DRD2: variants seen among roughly 807,000 people sequenced by gnomAD.
DRD2 encodes the protein dopamine receptor D2.
In DRD2, 8 loss-of-function variants were observed where a neutral mutation model predicts 38.0. That is an observed-to-expected ratio of 0.21 (90% CI 0.12 to 0.38). The LOEUF (loss-of-function observed/expected upper bound fraction) is 0.38. Ranked by LOEUF, DRD2 falls within the 10% of genes least tolerant of loss-of-function variation. DRD2 has a pLI of 1.00. For synonymous variants in DRD2, 230 were observed against 238.6 expected (o/e 0.96, Z 0.33); for missense variants, 403 against 607.7 (o/e 0.66, Z 3.54).
At chr11:113,439,664 G>T (rs1591289786) in intron 1 of DRD2, among the ~76,000 whole-genome samples, 1 of 150,908 alleles carries the variant, frequency 6.6e-6, no homozygotes, top group Non-Finnish European at 1.5e-5. Flanking sequence ...ACATGGTGAA[G>T]CCCCATCTCT....
At chr11:113,433,078 C>T (rs1015935747) in intron 1 of DRD2, among the ~76,000 whole-genome samples, 3 of 152,018 alleles carry the variant, frequency 2.0e-5, no homozygotes, top group African/African-American at 7.2e-5. Flanking sequence ...AGCCTCTAAG[C>T]CCTGGAGCTG....
chr11:113,472,424 C>T (rs549907225), intron 1 of DRD2, among the ~76,000 whole-genome samples: 2 of 152,270 alleles, frequency 1.3e-5, no homozygotes, highest in South Asian at 2.1e-4. Flanking sequence ...CATTTGTTTC[C>T]CATAGTATCA....
rs572284794 is a variant in DRD2, at chr11:113,436,863, A to G, written c.-31-12181T>C. ...ATCTTTCTGATCAAGTTCTCTTATT[A>G]TGAACACTGGCTTCCTTTTCTGCCA... On this transcript the variant is annotated intron_variant, in intron 1 of 7. Transcript: ENST00000362072. 5.3e-5 allele frequency among the ~76,000 whole-genome samples: 8 copies of G among 152,300 alleles called. No individual in the cohort carries two copies. In the East Asian group the frequency reaches 1.5e-3, roughly 29 times the overall value.
intron 1 of DRD2, among the ~76,000 whole-genome samples, chr11:113,463,811 C>T (rs1483173101): frequency 1.3e-5 from 2 of 152,122 alleles, no homozygotes; most frequent in Non-Finnish European, 2.9e-5. Context: ...ATACTGTATG[C>T]TAGAGAAATA....
Position 113,417,974 on chromosome 11 carries a change from C to A in DRD2, c.395+53G>T, listed in dbSNP as rs1950842667. 2.7e-6 allele frequency: 4 copies of A among 1,471,736 alleles called. No homozygotes were observed. In the East Asian group the frequency reaches 9.1e-5, roughly 33 times the overall value. The allele number at this position is 1,471,736 out of a possible 1,614,324, so 91.2% of individuals were successfully genotyped here. ...AGCCTGGCTTTGAGAAAAGCTGGGGCAGCCAGAATGGTGAGTGGCCAGAGC... is the reference window on the plus strand; with the variant it reads ...AGCCTGGCTTTGAGAAAAGCTGGGGAAGCCAGAATGGTGAGTGGCCAGAGC... On this transcript the variant is annotated intron_variant, in intron 3 of 7. Coordinates refer to ENST00000362072, the MANE Select transcript of DRD2 (RefSeq NM_000795.4).
intron 1 of DRD2, among the ~76,000 whole-genome samples, chr11:113,446,360 G>A (rs961750802): frequency 6.6e-6 from 1 of 152,184 alleles, no homozygotes; most frequent in Non-Finnish European, 1.5e-5. Context: ...AAACACAGCA[G>A]TCATAGTAAC....
chr11:113,415,346 C>T, intron 5 of DRD2, 75 bp downstream of exon 5: 3 of 1,523,130 alleles, frequency 2.0e-6, no homozygotes, highest in Non-Finnish European at 2.7e-6. Flanking sequence ...CAAGCCCCCA[C>T]CTGAGCATAA....
chr11:113,456,863 C>T lies in DRD2; in HGVS notation c.-32+18213G>A, dbSNP rs143553599. Among the ~76,000 whole-genome samples the T allele has an allele frequency of 1.8e-3, 278 of 152,226 alleles. No individual in the cohort carries two copies. The Middle Eastern group carries it at 0.024, about 13-fold the overall frequency. Reference sequence around the variant, plus strand: ...ATTCTTAACATTATCAAACTGTACACGTCAAAATTATTAAGATGGTAAATT... The same window carrying T: ...ATTCTTAACATTATCAAACTGTACATGTCAAAATTATTAAGATGGTAAATT... On this transcript the variant is annotated intron_variant, in intron 1 of 7. Coordinates refer to ENST00000362072, the MANE Select transcript of DRD2 (RefSeq NM_000795.4).
At chr11:113,451,075 C>G (rs1951205982) in intron 1 of DRD2, among the ~76,000 whole-genome samples, 1 of 152,146 alleles carries the variant, frequency 6.6e-6, no homozygotes, top group African/African-American at 2.4e-5. Context: ...GTGAACCCAC[C>G]CTGTAGTTAC....
intron 1 of DRD2, among the ~76,000 whole-genome samples, chr11:113,446,124 C>A (rs1464168438): frequency 6.6e-6 from 1 of 152,152 alleles, no homozygotes; most frequent in African/African-American, 2.4e-5. Flanking sequence ...ATGGACCCCA[C>A]TTCATGCATG....
chr11:113,446,752 T>C (rs549393985), intron 1 of DRD2, among the ~76,000 whole-genome samples: 45 of 152,308 alleles, frequency 3.0e-4, no homozygotes, highest in African/African-American at 1.0e-3. Context: ...TTGATGCAAG[T>C]AGTTGTGAAA....
intron 1 of DRD2, among the ~76,000 whole-genome samples, chr11:113,444,779 G>A (rs1165285275): frequency 6.6e-6 from 1 of 152,212 alleles, no homozygotes; most frequent in Non-Finnish European, 1.5e-5. Context: ...TTGTCCTCAC[G>A]GAGGCCACCA....
intron 1 of DRD2, among the ~76,000 whole-genome samples, chr11:113,440,495 CTGGGAAAAAGGCTG>C (rs1275593731): frequency 6.6e-6 from 1 of 152,226 alleles, no homozygotes; most frequent in Non-Finnish European, 1.5e-5. Flanking sequence ...TCCCAGGAGC[CTGGGAAAAAGGCTG>C]CGCCTTTGGA....
intron 1 of DRD2, among the ~76,000 whole-genome samples, chr11:113,451,117 G>A (rs1439645343): frequency 6.6e-6 from 1 of 152,180 alleles, no homozygotes; most frequent in Non-Finnish European, 1.5e-5. Context: ...AATTGGAATA[G>A]GCATATTCAG....
At chr11:113,442,040 C>A (rs542886449) in intron 1 of DRD2, among the ~76,000 whole-genome samples, 2 of 151,864 alleles carry the variant, frequency 1.3e-5, no homozygotes, top group Non-Finnish European at 2.9e-5. Context: ...TTAAAGATAA[C>A]GCACTGAAAT....
intron 1 of DRD2, among the ~76,000 whole-genome samples, chr11:113,459,754 G>A (rs1401098484): frequency 6.6e-6 from 1 of 152,138 alleles, no homozygotes; most frequent in Non-Finnish European, 1.5e-5. Context: ...ATAACATATT[G>A]TATCATTAAA....
At chr11:113,471,850 T>C (rs1423460784) in intron 1 of DRD2, among the ~76,000 whole-genome samples, 1 of 152,228 alleles carries the variant, frequency 6.6e-6, no homozygotes, top group Non-Finnish European at 1.5e-5. Context: ...TCCTATAAAC[T>C]ATATCCCAGG....
chr11:113,452,435 C>CAT (rs770483657), intron 1 of DRD2, among the ~76,000 whole-genome samples: 1 of 130,328 alleles, frequency 7.7e-6, no homozygotes, highest in Non-Finnish European at 1.6e-5. Flanking sequence ...GGTGTGCATG[C>CAT]GTGTGTGTGT....
chr11:113,447,331 G>A (rs1381439256), intron 1 of DRD2, among the ~76,000 whole-genome samples: 2 of 152,110 alleles, frequency 1.3e-5, no homozygotes, highest in African/African-American at 2.4e-5. Flanking sequence ...TTTCCTGGGG[G>A]AGCTCTCTCG....
Sources: allele counts gnomAD v4.1 joint callset (sites outside exome capture counted in the v4.1 genomes callset), GRCh38; gene constraint gnomAD v4.1.1; transcripts MANE v1.5; gene names NCBI Gene and HGNC (gene_info 2026-07-23, HGNC 2026-07-21).